Variants in PRKCB observed in about 807,000 individuals in gnomAD.
PRKCB encodes the protein protein kinase C beta type.
A neutral mutation model predicts 81.5 loss-of-function variants in PRKCB; 13 were observed. That is an observed-to-expected ratio of 0.16 (90% confidence interval 0.10 to 0.25). The LOEUF (loss-of-function observed/expected upper bound fraction) is 0.25, where lower values mean the gene tolerates loss of function less well. Among genes scored for constraint, PRKCB ranks in the 10% least tolerant of loss-of-function variants. The pLI, the probability that PRKCB is intolerant of heterozygous loss-of-function variation, is 1.00. For missense variants in PRKCB, 509 were observed against 875.7 expected (o/e 0.58, Z 5.29); for synonymous variants, 335 against 321.4 (o/e 1.04, Z -0.45).
chr16:24,088,569 T>G (rs1302802239), intron 5 of PRKCB, among the ~76,000 whole-genome samples: 1 of 151,946 alleles, frequency 6.6e-6, no homozygotes, highest in Admixed American at 6.6e-5. Flanking sequence ...TCTACAAAAA[T>G]TTTTTAAAAG....
intron 3 of PRKCB, among the ~76,000 whole-genome samples, chr16:24,009,049 A>G (rs1965165899): frequency 6.6e-6 from 1 of 152,200 alleles, no homozygotes; most frequent in African/African-American, 2.4e-5. Context: ...GGGGGGCTGA[A>G]AAATATTCCA....
At chr16:24,071,436 T>TAAAAAAAA (rs398042091) in intron 5 of PRKCB, among the ~76,000 whole-genome samples, 6 of 57,288 alleles carry the variant, frequency 1.0e-4, no homozygotes, top group Admixed American at 2.3e-4. Flanking sequence ...AGACCCTGTC[T>TAAAAAAAA]AAAAAAAAAA....
At chr16:23,868,731 A>G (rs1962850253) in intron 2 of PRKCB, among the ~76,000 whole-genome samples, 1 of 152,222 alleles carries the variant, frequency 6.6e-6, no homozygotes, top group African/African-American at 2.4e-5. Context: ...TAAGATTTTT[A>G]TAAAGTGGTG....
At chr16:24,052,826 C>T (rs1178346403) in intron 5 of PRKCB, among the ~76,000 whole-genome samples, 1 of 152,186 alleles carries the variant, frequency 6.6e-6, no homozygotes, top group African/African-American at 2.4e-5. Flanking sequence ...TGACCTGTAC[C>T]TTGTGCTGAC....
At chr16:24,150,380 T>A (rs930251095) in intron 9 of PRKCB, among the ~76,000 whole-genome samples, 3 of 152,122 alleles carry the variant, frequency 2.0e-5, no homozygotes, top group African/African-American at 4.8e-5. Context: ...TCTAGGAAGA[T>A]CTGTGTATTC....
intron 9 of PRKCB, among the ~76,000 whole-genome samples, chr16:24,145,510 G>A (rs551017389): frequency 1.4e-4 from 22 of 152,192 alleles, no homozygotes; most frequent in Non-Finnish European, 2.9e-4. Context: ...ACCAGGCTAA[G>A]GATCAAGGTG....
chr16:23,866,726 G>A (rs1277048028), intron 2 of PRKCB, among the ~76,000 whole-genome samples: 5 of 152,134 alleles, frequency 3.3e-5, no homozygotes, highest in South Asian at 2.1e-4. Flanking sequence ...GGGTATACAC[G>A]ATTCAGCTTT....
In PRKCB at chr16:24,141,444, C is replaced by T. The variant is rs531992785; in HGVS notation, c.1066-13240C>T. 3.2e-4 allele frequency among the ~76,000 whole-genome samples: 49 copies of T among 152,312 alleles called. No homozygotes were observed. The East Asian group carries it at 6.6e-3, about 20-fold the overall frequency. On this transcript the variant is annotated intron_variant, in intron 9 of 16. Coordinates refer to ENST00000643927, the MANE Select transcript of PRKCB (RefSeq NM_002738.7). ...CTCCTGGTCTCAAGTGATCCACCTG[C>T]CTCAGCCTCCCAAAGTGCTGGGATT...
chr16:23,985,122 C>T (rs1011236554), intron 2 of PRKCB, among the ~76,000 whole-genome samples: 3 of 152,034 alleles, frequency 2.0e-5, no homozygotes, highest in Non-Finnish European at 2.9e-5. Flanking sequence ...GATGGAGTCT[C>T]GCTCTGTTGC....
At chr16:23,874,542 GGC>G (rs1389657123) in intron 2 of PRKCB, among the ~76,000 whole-genome samples, 1 of 150,124 alleles carries the variant, frequency 6.7e-6, no homozygotes. Flanking sequence ...TACCCACACA[GGC>G]CTAGCATCAC....
At chr16:23,967,644 CT>C (rs1964504820) in intron 2 of PRKCB, among the ~76,000 whole-genome samples, 1 of 151,670 alleles carries the variant, frequency 6.6e-6, no homozygotes, top group Non-Finnish European at 1.5e-5. Context: ...TTTCTTTCCT[CT>C]TTTTTGTTTT....
chr16:24,180,850 T>C lies in PRKCB; in HGVS notation c.1455T>C (p.Phe485=), dbSNP rs1302341059. 1 of 1,614,222 alleles carries C rather than the reference T, an allele frequency of 6.2e-7. No homozygotes were observed. The highest frequency in any genetic ancestry group is 2.2e-5 in the East Asian group (1 of 44,886). ...AGGGACACATCAAGATTGCCGATTT[T>C]GGCATGTGTAAGGAAAACATCTGGG... ...DSEGHIKIAD[F]GMCKENIWDG... Residue 485 remains phenylalanine (F), a synonymous_variant, in exon 13 of 17, where the codon TTT becomes TTC. Coordinates refer to ENST00000643927, the MANE Select transcript of PRKCB (RefSeq NM_002738.7).
At chr16:24,154,619 C>T (rs929487920) in intron 9 of PRKCB, 65 bp from the exon 10 acceptor site, 7 of 1,524,560 alleles carry the variant, frequency 4.6e-6, no homozygotes, top group Non-Finnish European at 6.3e-6. Context: ...AAATGAACAC[C>T]AGCTGCTCAT....
intron 2 of PRKCB, among the ~76,000 whole-genome samples, chr16:23,927,042 C>T (rs1465102534): frequency 6.6e-6 from 1 of 152,224 alleles, no homozygotes; most frequent in East Asian, 1.9e-4. Context: ...TCTGCTATTA[C>T]CAAAATTATT....
At position 23,848,812 on chromosome 16, in the gene PRKCB, A is replaced by C. The variant is rs944429158; in HGVS notation, c.205+11406A>C. Among the ~76,000 whole-genome samples, 4 of 152,210 alleles carry C rather than the reference A, an allele frequency of 2.6e-5. No individual in the cohort carries two copies. The East Asian group carries it at 7.7e-4, about 29-fold the overall frequency. On this transcript the variant is annotated intron_variant, in intron 2 of 16. Transcript: ENST00000643927. ...TAATAATAAAACCTACTTTATGTGA[A>C]GTGTTTCTTAGCACCCTACCTGACA... is the stretch of plus-strand genomic sequence containing the variant.
intron 16 of PRKCB, among the ~76,000 whole-genome samples, chr16:24,200,168 A>G (rs1967937009): frequency 6.6e-6 from 1 of 152,216 alleles, no homozygotes; most frequent in African/African-American, 2.4e-5. Context: ...AAAGAAGGGC[A>G]TGGCAGCATT....
chr16:24,218,245 G>T lies in PRKCB; in HGVS notation c.*3429G>T, dbSNP rs1567417116. ...ATTAAAGGATGCTAAAGTGTGACTT[G>T]TGGGGATTGGGAGAGAGATGCACAG... On this transcript the variant is annotated 3_prime_UTR_variant, in exon 17 of 17. Coordinates refer to ENST00000643927, the MANE Select transcript of PRKCB (RefSeq NM_002738.7). The T allele has an allele frequency of 5.1e-6, 5 of 985,280 alleles. No individual in the cohort carries two copies. The highest frequency in any genetic ancestry group is 9.4e-5 in the South Asian group (2 of 21,280). The allele number at this position is 985,280 out of a possible 1,614,324, so 61.0% of individuals were successfully genotyped here.
Position 24,138,684 on chromosome 16 carries a change from A to C in PRKCB, c.1065+14703A>C, listed in dbSNP as rs183209595. 1.5e-4 allele frequency among the ~76,000 whole-genome samples: 23 copies of C among 152,056 alleles called. 1 individual carries two copies. Among genetic ancestry groups the C allele is most frequent in the African/African-American group, 5.3e-4 (22 of 41,494 alleles). On this transcript the variant is annotated intron_variant, in intron 9 of 16. Transcript: ENST00000643927. ...TGAATTACCATGCCATACCTTTTAA[A>C]TTGCTAGTACTTATTTATCTTGTAA... is the stretch of plus-strand genomic sequence containing the variant.
At chr16:24,192,519 G>A (rs1967809433) in intron 16 of PRKCB, among the ~76,000 whole-genome samples, 2 of 152,182 alleles carry the variant, frequency 1.3e-5, no homozygotes, top group African/African-American at 4.8e-5. Context: ...ACTCAGAGGT[G>A]AGATGCATAA....
Sources: gnomAD v4.1 joint callset for allele counts (sites outside exome capture counted in the v4.1 genomes callset) on GRCh38, gnomAD v4.1.1 for gene constraint, MANE v1.5 for transcripts, NCBI Gene and HGNC (gene_info 2026-07-23, HGNC 2026-07-21) for gene names.